Variants in MCM8 observed in about 807,000 individuals in gnomAD.
MCM8 encodes the protein DNA helicase MCM8.
MCM8 carries 85 observed loss-of-function variants against 98.9 expected under a neutral mutation model. The ratio of observed to expected loss-of-function variants is 0.86; its 90% confidence interval spans 0.72 to 1.03. MCM8 has a LOEUF of 1.03. Ranked by LOEUF, MCM8 falls within the 50% of genes least tolerant of loss-of-function variation. The pLI is 0.00. For missense variants in MCM8, 951 were observed against 997.8 expected, an observed-to-expected ratio of 0.95 and a Z score of 0.63; for synonymous variants, 352 against 338.6, an observed-to-expected ratio of 1.04 and a Z score of -0.44.
At chr20:5,965,286 G>A (rs1411537937) in intron 8 of MCM8, 1 of 152,310 alleles carries the variant, frequency 6.6e-6, no homozygotes, top group East Asian at 1.9e-4. Context: ...GCTGGAACTG[G>A]CTGGACAGTT....
At chr20:5,961,911 T>C (rs2089152842) in intron 7 of MCM8, among the ~76,000 whole-genome samples, 1 of 152,224 alleles carries the variant, frequency 6.6e-6, no homozygotes, top group Non-Finnish European at 1.5e-5. Context: ...CCGCCACTAT[T>C]GTTGCGTAAC....
At chr20:5,982,629 G>A (rs909751154) in intron 13 of MCM8, among the ~76,000 whole-genome samples, 5 of 152,130 alleles carry the variant, frequency 3.3e-5, no homozygotes, top group Non-Finnish European at 1.5e-5. Flanking sequence ...AATTGTGCAT[G>A]TGTGTTTGTG....
In MCM8 at chr20:5,958,529, G is replaced by A. The variant is rs2089047126; in HGVS notation, c.592G>A (p.Val198Met). 1 of 1,613,164 alleles carries A rather than the reference G, an allele frequency of 6.2e-7. No homozygotes were observed. The highest frequency in any genetic ancestry group is 1.3e-5 in the African/African-American group (1 of 74,868). The change falls in exon 7 of 19, where the codon GTG becomes ATG. Residue 198 changes from valine to methionine, a missense_variant and splice_region_variant. Val to Met is a conservative substitution (Grantham distance 21, BLOSUM62 1). Coordinates refer to ENST00000610722, the MANE Select transcript of MCM8 (RefSeq NM_032485.6). ...CATTACTTCCTGTTTTGTCTTTAGG[G>A]TGTACAACTATGAGCCTTTGACACA... Reference protein sequence around the residue: ...MVNVPHIHARVYNYEPLTQLK... With the variant: ...MVNVPHIHARMYNYEPLTQLK...
At chr20:5,954,719 G>C in intron 4 of MCM8, 29 bp downstream of exon 4, 1 of 1,301,990 alleles carries the variant, frequency 7.7e-7, no homozygotes, top group Non-Finnish European at 1.1e-6. Context: ...AAAGCTACCA[G>C]TCATGTGCCA....
chr20:5,951,988 C>G, intron 1 of MCM8, 23 bp from the exon 2 acceptor site: 2 of 1,591,252 alleles, frequency 1.3e-6, no homozygotes, highest in East Asian at 2.2e-5. Context: ...TTGGTGAAGA[C>G]CTTTTTAATA....
At position 5,967,397 on chromosome 20, in the gene MCM8, A is replaced by C. The variant is rs1467855362; in HGVS notation, c.876-39A>C. On this transcript the variant is annotated intron_variant, in intron 8 of 18. Coordinates refer to ENST00000610722, the MANE Select transcript of MCM8 (RefSeq NM_032485.6). ...GTTAATATCTTGCAGAAACCATCCAAAGTAAGTATTCTAACTGAAAACTAT... is the reference window on the plus strand; with the variant it reads ...GTTAATATCTTGCAGAAACCATCCACAGTAAGTATTCTAACTGAAAACTAT... 5.1e-6 allele frequency: 8 copies of C among 1,582,442 alleles called. No homozygotes were observed. In the South Asian group the frequency reaches 6.8e-5, roughly 13 times the overall value.
chr20:5,956,733 A>G (rs1214384184), intron 5 of MCM8, among the ~76,000 whole-genome samples: 1 of 152,074 alleles, frequency 6.6e-6, no homozygotes, highest in East Asian at 1.9e-4. Context: ...GGGAGTGAGT[A>G]TTAGGTATTT....
At chr20:5,985,329 A>G (rs528829653) in intron 15 of MCM8, among the ~76,000 whole-genome samples, 1 of 151,326 alleles carries the variant, frequency 6.6e-6, no homozygotes, top group African/African-American at 2.4e-5. Context: ...CTGTAATCCC[A>G]GCTACTTGGG....
At chr20:5,955,381 C>G in intron 5 of MCM8, 130 bp downstream of exon 5, 1 of 821,120 alleles carries the variant, frequency 1.2e-6, no homozygotes, top group Non-Finnish European at 1.9e-6. Context: ...TTAGCTTTTA[C>G]GAAAAGATGT....
chr20:5,985,780 AGG>A, intron 15 of MCM8, 140 bp from the exon 16 acceptor site: 1 of 715,094 alleles, frequency 1.4e-6, no homozygotes, highest in Non-Finnish European at 2.3e-6. Flanking sequence ...TCCTGACCTC[AGG>A]TGATGTGTCC....
At chr20:5,988,848 ACCAGGTGGTTTTGC>A (rs201739880) in intron 17 of MCM8, among the ~76,000 whole-genome samples, 5,258 of 152,226 alleles carry the variant, frequency 0.035, 122 homozygotes, top group Middle Eastern at 0.1. Context: ...TGGTGTCAGA[ACCAGGTGGTTTTGC>A]CCAGGTGGTT....
intron 14 of MCM8, among the ~76,000 whole-genome samples, chr20:5,983,904 T>C (rs192626664): frequency 2.7e-3 from 405 of 152,242 alleles, no homozygotes; most frequent in African/African-American, 9.5e-3. Flanking sequence ...CTGCCAAACA[T>C]TGGAAACACC....
At position 5,989,303 on chromosome 20, in the gene MCM8, A is replaced by G. The variant is rs142124361; in HGVS notation, c.2240+1945A>G. Among the ~76,000 whole-genome samples, 1,079 of 151,974 alleles carry G rather than the reference A, an allele frequency of 7.1e-3. 10 individuals are homozygous for G. Among genetic ancestry groups the G allele is most frequent in the Middle Eastern group, 0.031 (9 of 294 alleles). Reference sequence around the variant, plus strand: ...GCTAATTTTTGTATTTTTAGTAGAGATGGGGTTTCACCATGTTGGCCAGGA... The same window carrying G: ...GCTAATTTTTGTATTTTTAGTAGAGGTGGGGTTTCACCATGTTGGCCAGGA... On this transcript the variant is annotated intron_variant, in intron 17 of 18. Coordinates refer to ENST00000610722, the MANE Select transcript of MCM8 (RefSeq NM_032485.6).
chr20:5,971,787 C>T (rs895871818), intron 10 of MCM8, among the ~76,000 whole-genome samples: 1 of 152,146 alleles, frequency 6.6e-6, no homozygotes, highest in Admixed American at 6.5e-5. Flanking sequence ...TGCAAGTATC[C>T]TCTGTTCCTT....
chr20:5,978,324 C>G (rs946043880), intron 13 of MCM8, among the ~76,000 whole-genome samples: 2 of 122,558 alleles, frequency 1.6e-5, no homozygotes, highest in Admixed American at 8.7e-5. Flanking sequence ...TATTTGTGAT[C>G]ATTTTTTTTA....
chr20:5,961,865 T>G (rs2089151518), intron 7 of MCM8, among the ~76,000 whole-genome samples: 1 of 152,160 alleles, frequency 6.6e-6, no homozygotes, highest in Non-Finnish European at 1.5e-5. Flanking sequence ...GGCTTTGAAG[T>G]GACAGAAAGA....
At chr20:5,986,388 G>A (rs2089736089) in intron 16 of MCM8, among the ~76,000 whole-genome samples, 1 of 152,154 alleles carries the variant, frequency 6.6e-6, no homozygotes, top group South Asian at 2.1e-4. Flanking sequence ...TGACTCTTAG[G>A]AGACTCCTGG....
At chr20:5,954,417 CATT>C (rs2122647656) in intron 3 of MCM8, among the ~76,000 whole-genome samples, 188 bp from the exon 4 acceptor site, 1 of 152,346 alleles carries the variant, frequency 6.6e-6, no homozygotes, top group Admixed American at 6.5e-5. Flanking sequence ...CTGCATTTCA[CATT>C]ATGCAAACCT....
intron 7 of MCM8, among the ~76,000 whole-genome samples, chr20:5,961,322 C>T (rs1474917136): frequency 1.3e-5 from 2 of 152,002 alleles, no homozygotes; most frequent in African/African-American, 4.8e-5. Flanking sequence ...TCGGTGGTAC[C>T]CAGAGTCATC....
Sources: gnomAD v4.1 joint callset for allele counts (sites outside exome capture counted in the v4.1 genomes callset) on GRCh38, gnomAD v4.1.1 for gene constraint, MANE v1.5 for transcripts, NCBI Gene and HGNC (gene_info 2026-07-23, HGNC 2026-07-21) for gene names.